Variants in TMEM184B observed in about 807,000 individuals in gnomAD.
TMEM184B encodes the protein putative MAPK-activating protein FM08.
A neutral mutation model predicts 41.8 loss-of-function variants in TMEM184B; 17 were observed. The ratio of observed to expected loss-of-function variants is 0.41; its 90% CI spans 0.28 to 0.61. The LOEUF (loss-of-function observed/expected upper bound fraction) is 0.61, where lower values mean the gene tolerates loss of function less well. Among genes scored for constraint, TMEM184B ranks in the 20% least tolerant of loss-of-function variants. The pLI, the probability that TMEM184B is intolerant of heterozygous loss-of-function variation, is 0.34. For missense variants in TMEM184B, 393 were observed against 557.8 expected, an observed-to-expected ratio of 0.70 and a Z score of 2.98; for synonymous variants, 240 against 229.5, an observed-to-expected ratio of 1.05 and a Z score of -0.41.
In TMEM184B at chr22:38,226,488, C is replaced by T. The variant is rs2091443374; in HGVS notation, c.617+291G>A. The stretch of plus-strand genomic sequence containing the variant: ...CGACCTCTTGGGGCTCTGACCCTCT[C>T]GCTCCCTGCCTCAGCAGTGGTCACT... On this transcript the variant is annotated intron_variant, in intron 6 of 8. Transcript: ENST00000361906. The surrounding 1 kb of genome is among the most constrained non-coding windows in gnomAD (Gnocchi z 4.6). The T allele has an allele frequency of 1.4e-5, 5 of 362,960 alleles. No homozygotes were observed. Among genetic ancestry groups the T allele is most frequent in the South Asian group, 3.0e-5 (1 of 33,296 alleles). The allele number at this position is 362,960 out of a possible 1,614,324, so 22.5% of individuals were successfully genotyped here.
chr22:38,229,434 G>A (rs770252382), intron 5 of TMEM184B, among the ~76,000 whole-genome samples: 2 of 152,228 alleles, frequency 1.3e-5, no homozygotes, highest in African/African-American at 2.4e-5. Context: ...TACAGTGGAG[G>A]AAACTAAAGC....
chr22:38,226,628 T>C lies in TMEM184B; in HGVS notation c.617+151A>G, dbSNP rs1002948785. 2 of 741,152 alleles carry C rather than the reference T, an allele frequency of 2.7e-6. No individual in the cohort carries two copies. Among genetic ancestry groups the C allele is most frequent in the African/African-American group, 3.5e-5 (2 of 57,110 alleles). 45.9% of individuals were successfully genotyped at this position (741,152 alleles called of 1,614,324 possible). A position where few individuals can be genotyped will look rare whatever the true frequency, so the allele number is the denominator to read the frequency against. ...CGGGGCCAACTGCAAGGGTGTCCAC[T>C]GCTGGGCTCAGACTTCAGGGGGGTT... On this transcript the variant is annotated intron_variant, in intron 6 of 8. Transcript: ENST00000361906. The surrounding 1 kb of genome is among the most constrained non-coding windows in gnomAD (Gnocchi z 4.6).
intron 3 of TMEM184B, among the ~76,000 whole-genome samples, chr22:38,244,145 T>C (rs1377378436): frequency 6.6e-6 from 1 of 152,062 alleles, no homozygotes; most frequent in Non-Finnish European, 1.5e-5. Flanking sequence ...GCGCCTCCAT[T>C]TTCTTGCCAA....
At chr22:38,260,415 A>C (rs1202619842) in intron 1 of TMEM184B, among the ~76,000 whole-genome samples, 1 of 152,152 alleles carries the variant, frequency 6.6e-6, no homozygotes, top group African/African-American at 2.4e-5. Flanking sequence ...AGCAGCTTGC[A>C]GATGCAAAAC....
chr22:38,248,267 C>G (rs2092084159), intron 1 of TMEM184B, among the ~76,000 whole-genome samples: 1 of 152,162 alleles, frequency 6.6e-6, no homozygotes, highest in Non-Finnish European at 1.5e-5. Flanking sequence ...TTAGCCAGAC[C>G]AGGCCGCCAC....
intron 1 of TMEM184B, among the ~76,000 whole-genome samples, chr22:38,249,507 AAAG>A (rs1602451078): frequency 1.3e-5 from 2 of 152,218 alleles, no homozygotes; most frequent in African/African-American, 4.8e-5. Context: ...ACAGTGAAAC[AAAG>A]AATAGTGGGT....
rs2091202783 is a variant in TMEM184B, at chr22:38,219,564, A to G, written c.*1905T>C. 1.0e-6 allele frequency: 1 copy of G among 977,700 alleles called. No individual in the cohort carries two copies. Among genetic ancestry groups the G allele is most frequent in the South Asian group, 4.7e-5 (1 of 21,180 alleles). 60.6% of individuals were successfully genotyped at this position (977,700 alleles called of 1,614,324 possible). A position where few individuals can be genotyped will look rare whatever the true frequency, so the allele number is the denominator to read the frequency against. On this transcript the variant is annotated 3_prime_UTR_variant, in exon 9 of 9. Coordinates refer to ENST00000361906, the MANE Select transcript of TMEM184B (RefSeq NM_012264.5). ...AAGACAAGGTAGGTTATGCATCCTA[A>G]GGAGGAGGAGGGGATGGAGCGGTCG...
downstream of TMEM184B, among the ~76,000 whole-genome samples, chr22:38,218,980 G>A (rs889618012): frequency 6.6e-6 from 1 of 152,238 alleles, no homozygotes; most frequent in African/African-American, 2.4e-5. Context: ...GAAATCCTGG[G>A]AGATGCCTGC....
chr22:38,258,751 T>C (rs568689098), intron 1 of TMEM184B, among the ~76,000 whole-genome samples: 1 of 152,210 alleles, frequency 6.6e-6, no homozygotes, highest in African/African-American at 2.4e-5. Context: ...AGGCCATAAT[T>C]AGTATCACAT....
At chr22:38,270,592 A>T (rs1030253419) in intron 1 of TMEM184B, among the ~76,000 whole-genome samples, 2 of 152,114 alleles carry the variant, frequency 1.3e-5, no homozygotes, top group African/African-American at 4.8e-5. Context: ...GCAGGGCAGC[A>T]TGGTCTTCGG....
At chr22:38,223,785 C>G (rs2091336760) in intron 8 of TMEM184B, 1 of 152,864 alleles carries the variant, frequency 6.5e-6, no homozygotes. Context: ...CTTCCCCATC[C>G]TCCAAGGACA....
chr22:38,256,240 T>C (rs1477684295), intron 1 of TMEM184B, among the ~76,000 whole-genome samples: 1 of 147,396 alleles, frequency 6.8e-6, no homozygotes. Flanking sequence ...GGATTTGGAG[T>C]CTCACTCTGT....
rs1441194080 is a variant in TMEM184B at position 38,272,951 on chromosome 22, G to C, written c.-126C>G. 3 of 398,328 alleles carry C rather than the reference G, an allele frequency of 7.5e-6. No homozygotes were observed. The highest frequency in any genetic ancestry group is 2.1e-4 in the South Asian group (2 of 9,616). 24.7% of individuals were successfully genotyped at this position (398,328 alleles called of 1,614,324 possible). The stretch of plus-strand genomic sequence containing the variant: ...GGCAGCCGGACTCTGCGGGCGGGGC[G>C]GGCGGCGCCGCAGCCCCGGAGTCTC... On this transcript the variant is annotated 5_prime_UTR_variant, in exon 1 of 9. Coordinates refer to ENST00000361906, the MANE Select transcript of TMEM184B (RefSeq NM_012264.5).
chr22:38,217,174 A>C (rs2091158535), downstream of TMEM184B, among the ~76,000 whole-genome samples: 1 of 141,484 alleles, frequency 7.1e-6, no homozygotes, highest in South Asian at 2.3e-4. Context: ...TAAAAATACA[A>C]AAAACAACAA....
At chr22:38,264,663 G>T (rs772445904) in intron 1 of TMEM184B, among the ~76,000 whole-genome samples, 2 of 152,130 alleles carry the variant, frequency 1.3e-5, no homozygotes, top group Non-Finnish European at 2.9e-5. Context: ...AGATGGAGGC[G>T]GGTCTCTGGA....
rs748560268 is a variant in TMEM184B at position 38,226,336 on chromosome 22, C to T, written c.617+443G>A. On this transcript the variant is annotated intron_variant, in intron 6 of 8. Coordinates refer to ENST00000361906, the MANE Select transcript of TMEM184B (RefSeq NM_012264.5). This position sits in a 1 kb window ranked among gnomAD's most constrained non-coding sequence, Gnocchi z 4.6. ...CCTCAGGTGATCTACCCGCGTTGGCCTCCCAAAGTGCTAGGATTACAGGCG... is the reference window on the plus strand; with the variant it reads ...CCTCAGGTGATCTACCCGCGTTGGCTTCCCAAAGTGCTAGGATTACAGGCG... 6.7e-5 allele frequency: 11 copies of T among 164,990 alleles called. No individual in the cohort carries two copies. The highest frequency in any genetic ancestry group is 1.5e-4 in the Non-Finnish European group (11 of 75,480). The allele number at this position is 164,990 out of a possible 1,614,324, so 10.2% of individuals were successfully genotyped here. A position where few individuals can be genotyped will look rare whatever the true frequency, so the allele number is the denominator to read the frequency against.
At chr22:38,249,715 G>A (rs531227957) in intron 1 of TMEM184B, among the ~76,000 whole-genome samples, 5 of 152,316 alleles carry the variant, frequency 3.3e-5, no homozygotes, top group East Asian at 1.9e-4. Context: ...GGAGGCAGTC[G>A]ATTTATGGGA....
Position 38,253,078 on chromosome 22 carries a change from C to T in TMEM184B, c.-58-5059G>A, listed in dbSNP as rs558586831. ...AATGGCGTGAACCCGGGAGGCAGAG[C>T]TTGCAGTGAGCCGAGATCGCGCCAC... On this transcript the variant is annotated intron_variant, in intron 1 of 8. Coordinates refer to ENST00000361906, the MANE Select transcript of TMEM184B (RefSeq NM_012264.5). Among the ~76,000 whole-genome samples, 10 of 152,022 alleles carry T rather than the reference C, an allele frequency of 6.6e-5. No homozygotes were observed. In the East Asian group the frequency reaches 1.8e-3, roughly 27 times the overall value.
intron 1 of TMEM184B, among the ~76,000 whole-genome samples, chr22:38,257,591 G>A (rs930547864): frequency 2.0e-5 from 3 of 152,068 alleles, no homozygotes; most frequent in Admixed American, 2.0e-4. Context: ...AAATGACCCC[G>A]TGTATGAACC....
Sources: allele counts gnomAD v4.1 joint callset (sites outside exome capture counted in the v4.1 genomes callset), GRCh38; gene constraint gnomAD v4.1.1; non-coding constraint Gnocchi (gnomAD v3.1); transcripts MANE v1.5; gene names NCBI Gene and HGNC (gene_info 2026-07-23, HGNC 2026-07-21).